HS6ST3: variants seen among roughly 807,000 people sequenced by gnomAD.
HS6ST3 encodes heparan-sulfate 6-O-sulfotransferase 3.
Under a neutral mutation model 36.7 loss-of-function variants are expected in HS6ST3, and 12 were observed. The observed-to-expected ratio is 0.33, with a 90% confidence interval of 0.21 to 0.53. The LOEUF is 0.53. HS6ST3 is among the 20% of genes least tolerant of loss of function. The probability of loss-of-function intolerance (pLI) is 0.95; values close to 1 mark genes in which losing one functional copy is unlikely to be tolerated. For synonymous variants in HS6ST3, 240 were observed against 257.5 expected (o/e 0.93, Z 0.65); for missense variants, 584 against 640.9 (o/e 0.91, Z 0.96).
chr13:96,101,274 G>C (rs2053817124), intron 1 of HS6ST3, among the ~76,000 whole-genome samples: 1 of 152,088 alleles, frequency 6.6e-6, no homozygotes, highest in African/African-American at 2.4e-5. Context: ...GACCCTTTCT[G>C]CCGCTTAGAT....
At chr13:96,647,941 C>G (rs1216277786) in intron 1 of HS6ST3, among the ~76,000 whole-genome samples, 1 of 151,914 alleles carries the variant, frequency 6.6e-6, no homozygotes, top group East Asian at 1.9e-4. Flanking sequence ...TACATCTTGC[C>G]TTTGGTTTTC....
At chr13:96,563,023 G>A (rs2056268172) in intron 1 of HS6ST3, among the ~76,000 whole-genome samples, 2 of 144,612 alleles carry the variant, frequency 1.4e-5, no homozygotes, top group South Asian at 4.4e-4. Context: ...GAGCAATGGA[G>A]CCAGTCAGCA....
At chr13:96,115,278 T>A (rs2053888510) in intron 1 of HS6ST3, among the ~76,000 whole-genome samples, 2 of 152,156 alleles carry the variant, frequency 1.3e-5, no homozygotes, top group African/African-American at 4.8e-5. Context: ...GTGTTTTTAT[T>A]TGTTTGTTTT....
At chr13:96,677,845 A>C (rs1227412196) in intron 1 of HS6ST3, among the ~76,000 whole-genome samples, 1 of 152,164 alleles carries the variant, frequency 6.6e-6, no homozygotes, top group African/African-American at 2.4e-5. Flanking sequence ...CTTGGCTAAA[A>C]TGTTTACTTA....
intron 1 of HS6ST3, among the ~76,000 whole-genome samples, chr13:96,371,818 G>A (rs1029765852): frequency 6.6e-6 from 1 of 152,038 alleles, no homozygotes; most frequent in African/African-American, 2.4e-5. Context: ...AGGATTAATA[G>A]TATTCTATTG....
chr13:96,829,625 C>G (rs1251948460), intron 1 of HS6ST3, among the ~76,000 whole-genome samples: 1 of 152,154 alleles, frequency 6.6e-6, no homozygotes, highest in Non-Finnish European at 1.5e-5. Flanking sequence ...ATAATGGCCT[C>G]CAACTCTATC....
intron 1 of HS6ST3, among the ~76,000 whole-genome samples, chr13:96,340,715 G>A (rs547316190): frequency 1.3e-5 from 2 of 152,328 alleles, no homozygotes; most frequent in East Asian, 1.9e-4. Context: ...CTCTGCCTGG[G>A]CATTGCCATG....
chr13:96,553,941 G>T lies in HS6ST3; in HGVS notation c.708-278549G>T, dbSNP rs547468969. On this transcript the variant is annotated intron_variant, in intron 1 of 1. Transcript: ENST00000376705. ...CTGTTTTGAATCCAGCTGACTCAGA[G>T]ACTATTGGTACAATAAATCGCATTA... is the stretch of plus-strand genomic sequence containing the variant. 2.5e-3 allele frequency among the ~76,000 whole-genome samples: 374 copies of T among 152,324 alleles called. 1 individual carries two copies. The highest frequency in any genetic ancestry group is 4.0e-3 in the Non-Finnish European group (273 of 68,036).
chr13:96,600,554 G>C (rs895304660), intron 1 of HS6ST3, among the ~76,000 whole-genome samples: 2 of 151,838 alleles, frequency 1.3e-5, no homozygotes, highest in African/African-American at 4.8e-5. Context: ...GAGTTTATAT[G>C]AACCTTTACA....
intron 1 of HS6ST3, among the ~76,000 whole-genome samples, chr13:96,664,618 A>G (rs899206101): frequency 6.6e-6 from 1 of 151,954 alleles, no homozygotes; most frequent in Non-Finnish European, 1.5e-5. Context: ...GTGAATTTCA[A>G]CTCCTACTTT....
At chr13:96,292,099 T>C (rs915500686) in intron 1 of HS6ST3, among the ~76,000 whole-genome samples, 2 of 152,092 alleles carry the variant, frequency 1.3e-5, no homozygotes, top group African/African-American at 4.8e-5. Context: ...CATGGGATAC[T>C]TTTTTTGTAA....
At chr13:96,388,295 A>G (rs1164221702) in intron 1 of HS6ST3, among the ~76,000 whole-genome samples, 2 of 152,236 alleles carry the variant, frequency 1.3e-5, no homozygotes, top group Non-Finnish European at 2.9e-5. Context: ...ATGAATTGTA[A>G]TTAAAAGAAT....
chr13:96,625,854 T>A (rs989231700), intron 1 of HS6ST3, among the ~76,000 whole-genome samples: 4 of 151,584 alleles, frequency 2.6e-5, no homozygotes, highest in African/African-American at 9.7e-5. Flanking sequence ...TTTTTTTTTT[T>A]ATTCGAGACG....
chr13:96,202,187 T>C (rs528797142), intron 1 of HS6ST3, among the ~76,000 whole-genome samples: 1 of 152,326 alleles, frequency 6.6e-6, no homozygotes, highest in Admixed American at 6.5e-5. Context: ...CTGACACCAA[T>C]GAAACTTTTT....
At chr13:96,385,036 G>A (rs1343379238) in intron 1 of HS6ST3, among the ~76,000 whole-genome samples, 1 of 151,884 alleles carries the variant, frequency 6.6e-6, no homozygotes, top group Non-Finnish European at 1.5e-5. Flanking sequence ...AAAATTAGCT[G>A]GGTGTGGTGG....
At chr13:96,462,822 G>C (rs1232098943) in intron 1 of HS6ST3, among the ~76,000 whole-genome samples, 1 of 152,150 alleles carries the variant, frequency 6.6e-6, no homozygotes, top group East Asian at 1.9e-4. Context: ...CTATCTAAAT[G>C]AGTTGCATTT....
At chr13:96,677,344 A>G (rs1173705276) in intron 1 of HS6ST3, among the ~76,000 whole-genome samples, 1 of 152,154 alleles carries the variant, frequency 6.6e-6, no homozygotes, top group Non-Finnish European at 1.5e-5. Context: ...TTGGCTTTGT[A>G]TCCTTCCACT....
intron 1 of HS6ST3, among the ~76,000 whole-genome samples, chr13:96,447,049 A>G (rs1566363793): frequency 6.6e-6 from 1 of 152,102 alleles, no homozygotes; most frequent in Non-Finnish European, 1.5e-5. Flanking sequence ...TTATTCCAAT[A>G]TCACGTATCA....
intron 1 of HS6ST3, among the ~76,000 whole-genome samples, chr13:96,450,698 C>T (rs1334464944): frequency 6.6e-6 from 1 of 152,156 alleles, no homozygotes; most frequent in Non-Finnish European, 1.5e-5. Context: ...GATTAATAAG[C>T]AATTATGCTG....
Sources: allele counts gnomAD v4.1 joint callset (sites outside exome capture counted in the v4.1 genomes callset), GRCh38; gene constraint gnomAD v4.1.1; transcripts MANE v1.5; gene names NCBI Gene and HGNC (gene_info 2026-07-23, HGNC 2026-07-21).